The following CNTN1 variants were observed in gnomAD, a reference collection of about 807,000 sequenced individuals.
The protein encoded by CNTN1 is contactin-1.
A neutral mutation model predicts 126.4 loss-of-function variants in CNTN1; 38 were observed. That is an observed-to-expected ratio of 0.30 (90% confidence interval 0.23 to 0.39). CNTN1 has a LOEUF of 0.39. CNTN1 is among the 10% of genes least tolerant of loss of function. The pLI is 1.00. For synonymous variants in CNTN1, 413 were observed against 422.6 expected, an observed-to-expected ratio of 0.98 and a Z score of 0.28; for missense variants, 1,009 against 1,248.4, an observed-to-expected ratio of 0.81 and a Z score of 2.89.
At chr12:40,728,347 T>G (rs1942410425) in intron 1 of CNTN1, among the ~76,000 whole-genome samples, 1 of 152,186 alleles carries the variant, frequency 6.6e-6, no homozygotes, top group South Asian at 2.1e-4. Flanking sequence ...CATTCTCATG[T>G]TGAAGATGAC....
Position 40,929,879 on chromosome 12 carries a change from G to A in CNTN1, c.580G>A (p.Gly194Ser). 2 of 1,612,448 alleles carry A rather than the reference G, an allele frequency of 1.2e-6. No homozygotes were observed. Among genetic ancestry groups the A allele is most frequent in the South Asian group, 1.1e-5 (1 of 91,040 alleles). The change falls in exon 7 of 24, where the codon GGC becomes AGC. Residue 194 changes from glycine (G) to serine (S), a missense_variant. Coordinates refer to ENST00000551295, the MANE Select transcript of CNTN1 (RefSeq NM_001843.4). Reference sequence around the variant, plus strand: ...ACGGCGATTTGTGTCTCAGACAAATGGCAATCTCTACATTGCAAATGTTGA... The same window carrying A: ...ACGGCGATTTGTGTCTCAGACAAATAGCAATCTCTACATTGCAAATGTTGA... ...DKRRFVSQTN[G>S]NLYIANVEAS...
At chr12:41,035,516 T>G (rs907876366) in intron 23 of CNTN1, among the ~76,000 whole-genome samples, 2 of 152,144 alleles carry the variant, frequency 1.3e-5, no homozygotes, top group Non-Finnish European at 2.9e-5. Context: ...GAAGCTCCCA[T>G]TCTAATGGAT....
At chr12:40,917,879 G>T (rs1399771573) in intron 3 of CNTN1, among the ~76,000 whole-genome samples, 1 of 152,114 alleles carries the variant, frequency 6.6e-6, no homozygotes, top group Admixed American at 6.6e-5. Context: ...CAGTTGTTCA[G>T]ATCCAATATC....
At chr12:41,002,436 A>G (rs1355765335) in intron 17 of CNTN1, among the ~76,000 whole-genome samples, 1 of 151,900 alleles carries the variant, frequency 6.6e-6, no homozygotes, top group Non-Finnish European at 1.5e-5. Context: ...GGTTCTTGGC[A>G]TGACTGTTGT....
intron 1 of CNTN1, among the ~76,000 whole-genome samples, chr12:40,880,079 G>T (rs1943820383): frequency 6.6e-6 from 1 of 151,844 alleles, no homozygotes; most frequent in South Asian, 2.1e-4. Context: ...TACTCTCAAG[G>T]AACAAATTTA....
At chr12:41,022,620 G>T (rs1948945411) in intron 20 of CNTN1, among the ~76,000 whole-genome samples, 2 of 152,134 alleles carry the variant, frequency 1.3e-5, no homozygotes, top group African/African-American at 4.8e-5. Context: ...CAGTGAGGAA[G>T]ATGATGATGA....
At chr12:40,934,609 G>T (rs1169209737) in intron 9 of CNTN1, among the ~76,000 whole-genome samples, 1 of 151,522 alleles carries the variant, frequency 6.6e-6, no homozygotes, top group Non-Finnish European at 1.5e-5. Context: ...AATAAACATC[G>T]AGGGCTTCCA....
chr12:40,982,146 T>C (rs1947836351), intron 16 of CNTN1, among the ~76,000 whole-genome samples: 2 of 152,146 alleles, frequency 1.3e-5, no homozygotes, highest in Non-Finnish European at 2.9e-5. Flanking sequence ...TTAGGATATA[T>C]TTTAATATCA....
chr12:40,765,314 T>C (rs997831390), intron 1 of CNTN1, among the ~76,000 whole-genome samples: 2 of 152,162 alleles, frequency 1.3e-5, no homozygotes, highest in Non-Finnish European at 2.9e-5. Context: ...ATGCGAAGTT[T>C]AGATGTCATT....
At chr12:40,955,677 A>G (rs1485118156) in intron 14 of CNTN1, among the ~76,000 whole-genome samples, 1 of 152,126 alleles carries the variant, frequency 6.6e-6, no homozygotes, top group African/African-American at 2.4e-5. Context: ...CTTTGTATGT[A>G]ATAATAAATA....
intron 1 of CNTN1, among the ~76,000 whole-genome samples, chr12:40,837,648 T>C (rs1942112415): frequency 6.6e-6 from 1 of 152,140 alleles, no homozygotes; most frequent in Non-Finnish European, 1.5e-5. Flanking sequence ...TGCAGCAGCG[T>C]TGAGTCTGAG....
At chr12:41,024,942 CT>C (rs1217841039) in intron 20 of CNTN1, among the ~76,000 whole-genome samples, 1 of 151,804 alleles carries the variant, frequency 6.6e-6, no homozygotes, top group African/African-American at 2.4e-5. Flanking sequence ...TGAAGTAAGA[CT>C]TTGATTCGCT....
rs1225638360 is a variant in CNTN1 at position 40,812,354 on chromosome 12, T to G, written c.-76-96003T>G. 2.0e-5 allele frequency among the ~76,000 whole-genome samples: 3 copies of G among 152,270 alleles called. No homozygotes were observed. In the East Asian group the frequency reaches 5.8e-4, roughly 29 times the overall value. On this transcript the variant is annotated intron_variant, in intron 1 of 23. Coordinates refer to ENST00000551295, the MANE Select transcript of CNTN1 (RefSeq NM_001843.4). ...CACTTGAGAAGAATATGTATTCTGC[T>G]GCTGTTGGATGGAATGTTCTGTGTA...
At chr12:40,765,072 C>T (rs1165734587) in intron 1 of CNTN1, among the ~76,000 whole-genome samples, 1 of 150,518 alleles carries the variant, frequency 6.6e-6, no homozygotes, top group Non-Finnish European at 1.5e-5. Context: ...TATATTAGGT[C>T]ATATAGAATA....
chr12:40,910,002 TTAAG>T, intron 2 of CNTN1, 67 bp from the exon 3 acceptor site: 1 of 1,144,172 alleles, frequency 8.7e-7, no homozygotes, highest in East Asian at 2.4e-5. Context: ...TCTCAGCTAT[TTAAG>T]TAATGTTTGA....
In CNTN1 at chr12:41,014,122, G is replaced by A. The variant is rs1285536856; in HGVS notation, c.2114-106G>A. 3 of 1,003,214 alleles carry A rather than the reference G, an allele frequency of 3.0e-6. No homozygotes were observed. In the African/African-American group the frequency reaches 4.8e-5, roughly 16 times the overall value. 62.1% of individuals were successfully genotyped at this position (1,003,214 alleles called of 1,614,324 possible). On this transcript the variant is annotated intron_variant, in intron 17 of 23. Coordinates refer to ENST00000551295, the MANE Select transcript of CNTN1 (RefSeq NM_001843.4). ...GTCCAGTATGTTTTTCCTAGTAAAA[G>A]AAAAACATTTGTGGTTTCTGTGGTG... is the stretch of plus-strand genomic sequence containing the variant.
At chr12:40,747,305 A>ATGTGTGCG (rs1555149909) in intron 1 of CNTN1, among the ~76,000 whole-genome samples, 1 of 148,250 alleles carries the variant, frequency 6.7e-6, no homozygotes, top group Non-Finnish European at 1.5e-5. Context: ...TTGTGAAGGG[A>ATGTGTGCG]TGTGTGTGTG....
intron 1 of CNTN1, among the ~76,000 whole-genome samples, chr12:40,730,148 C>A (rs1018977170): frequency 6.6e-6 from 1 of 152,174 alleles, no homozygotes; most frequent in African/African-American, 2.4e-5. Context: ...TCTACACACC[C>A]ATTTTCTCAT....
chr12:40,706,543 T>C (rs568020562), intron 1 of CNTN1, among the ~76,000 whole-genome samples: 1 of 152,272 alleles, frequency 6.6e-6, no homozygotes, highest in African/African-American at 2.4e-5. Context: ...CTTTTCAATT[T>C]TTATTTTGAA....
Sources: allele counts gnomAD v4.1 joint callset (sites outside exome capture counted in the v4.1 genomes callset), GRCh38; gene constraint gnomAD v4.1.1; transcripts MANE v1.5; gene names NCBI Gene and HGNC (gene_info 2026-07-23, HGNC 2026-07-21).